Variants in KAZN observed in about 807,000 individuals in gnomAD.
KAZN encodes the protein kazrin, periplakin interacting protein.
A neutral mutation model predicts 87.4 loss-of-function variants in KAZN; 40 were observed. The observed-to-expected ratio is 0.46, with a 90% CI of 0.36 to 0.60. KAZN has a LOEUF of 0.60. KAZN is among the 20% of genes least tolerant of loss of function. KAZN has a pLI of 0.00. For missense variants in KAZN, 898 were observed against 1,073.9 expected (o/e 0.84, Z 2.29); for synonymous variants, 466 against 458.3 (o/e 1.02, Z -0.22).
At chr1:14,417,912 C>T (rs1026663214) in intron 2 of KAZN, among the ~76,000 whole-genome samples, 8 of 140,004 alleles carry the variant, frequency 5.7e-5, no homozygotes, top group African/African-American at 2.1e-4. Context: ...AGGAGAATGG[C>T]GTGAACCCGG....
chr1:14,740,743 G>A (rs1644071198), intron 1 of KAZN, among the ~76,000 whole-genome samples: 1 of 152,114 alleles, frequency 6.6e-6, no homozygotes, highest in African/African-American at 2.4e-5. Flanking sequence ...TTGATTTCTT[G>A]CTCTTTGTTC....
At chr1:14,647,196 G>A (rs1354686141) in intron 1 of KAZN, among the ~76,000 whole-genome samples, 1 of 152,032 alleles carries the variant, frequency 6.6e-6, no homozygotes, top group African/African-American at 2.4e-5. Flanking sequence ...ATACCCCGGG[G>A]CGCAGTTTTT....
intron 1 of KAZN, among the ~76,000 whole-genome samples, chr1:14,806,508 A>G (rs926826133): frequency 1.1e-4 from 17 of 152,224 alleles, no homozygotes; most frequent in East Asian, 1.9e-4. Context: ...GAGAACACCA[A>G]TGAGGGGTTG....
intron 1 of KAZN, among the ~76,000 whole-genome samples, chr1:14,051,859 C>A (rs143662948): frequency 0.02 from 2,986 of 152,168 alleles, 53 homozygotes; most frequent in Non-Finnish European, 0.031. Context: ...ACCAACCAAC[C>A]AAACAACAAC....
chr1:15,045,954 A>G (rs1459525215), intron 4 of KAZN, among the ~76,000 whole-genome samples: 1 of 152,216 alleles, frequency 6.6e-6, no homozygotes, highest in Non-Finnish European at 1.5e-5. Flanking sequence ...CCCAGAGCCA[A>G]CCATATCAGT....
In KAZN at chr1:14,959,795, G is replaced by A. The variant is rs114511353; in HGVS notation, c.227-889G>A. Among the ~76,000 whole-genome samples, 342 of 152,246 alleles carry A rather than the reference G, an allele frequency of 2.2e-3. 2 individuals are homozygous for A. Among genetic ancestry groups the A allele is most frequent in the African/African-American group, 7.7e-3 (320 of 41,530 alleles). On this transcript the variant is annotated intron_variant, in intron 1 of 14. Coordinates refer to ENST00000376030, the MANE Select transcript of KAZN (RefSeq NM_201628.3). ...CTATTGCCCAGGTGAGCTGACCTGGGCATGGGTGTGTCTATCCGCCCGCAG... is the reference window on the plus strand; with the variant it reads ...CTATTGCCCAGGTGAGCTGACCTGGACATGGGTGTGTCTATCCGCCCGCAG...
At chr1:14,967,252 G>T (rs1167140052) in intron 2 of KAZN, among the ~76,000 whole-genome samples, 3 of 152,070 alleles carry the variant, frequency 2.0e-5, no homozygotes, top group Non-Finnish European at 4.4e-5. Context: ...ATGGTGGTGT[G>T]GTTACATCTG....
At chr1:14,042,751 A>G (rs1156757593) in intron 1 of KAZN, among the ~76,000 whole-genome samples, 1 of 152,164 alleles carries the variant, frequency 6.6e-6, no homozygotes, top group Non-Finnish European at 1.5e-5. Context: ...GGGTTTCTCA[A>G]GCTACTCCTT....
At chr1:14,102,262 G>A (rs376298314) in intron 1 of KAZN, among the ~76,000 whole-genome samples, 17 of 152,118 alleles carry the variant, frequency 1.1e-4, no homozygotes, top group Admixed American at 7.2e-4. Context: ...CAGAGAAATC[G>A]CTAATCATGG....
intron 1 of KAZN, among the ~76,000 whole-genome samples, chr1:14,631,553 C>T (rs1472640635): frequency 6.6e-6 from 1 of 152,234 alleles, no homozygotes; most frequent in Non-Finnish European, 1.5e-5. Flanking sequence ...CTACCTCTCA[C>T]CCCAGGGCCT....
At chr1:14,206,077 A>G (rs948211884) in intron 2 of KAZN, among the ~76,000 whole-genome samples, 4 of 152,080 alleles carry the variant, frequency 2.6e-5, no homozygotes, top group Admixed American at 6.5e-5. Flanking sequence ...TGCATGGGCA[A>G]TGTATATTCC....
At chr1:14,241,738 A>T (rs1648953187) in intron 2 of KAZN, among the ~76,000 whole-genome samples, 2 of 152,154 alleles carry the variant, frequency 1.3e-5, no homozygotes, top group Admixed American at 6.5e-5. Flanking sequence ...TCAGGAGGAG[A>T]TATGCTGTAT....
chr1:14,656,533 C>T (rs1638803054), intron 1 of KAZN, among the ~76,000 whole-genome samples: 2 of 152,162 alleles, frequency 1.3e-5, no homozygotes, highest in Admixed American at 1.3e-4. Flanking sequence ...TCAAGAACTA[C>T]CTGAGACTGG....
At chr1:14,882,164 A>G (rs568500767) in intron 1 of KAZN, among the ~76,000 whole-genome samples, 41 of 152,294 alleles carry the variant, frequency 2.7e-4, no homozygotes, top group African/African-American at 8.2e-4. Flanking sequence ...GCCTTGCCCT[A>G]CAGTTTTTCA....
At chr1:15,065,023 C>CTTTTT (rs1639109997) in intron 7 of KAZN, among the ~76,000 whole-genome samples, 1 of 103,054 alleles carries the variant, frequency 9.7e-6, no homozygotes, top group African/African-American at 4.1e-5. Flanking sequence ...GGGTCTTTTT[C>CTTTTT]TTTCTTTTTT....
At chr1:14,741,880 G>C (rs1365292762) in intron 1 of KAZN, among the ~76,000 whole-genome samples, 3 of 152,196 alleles carry the variant, frequency 2.0e-5, no homozygotes, top group Admixed American at 2.0e-4. Flanking sequence ...CTTGATGTTT[G>C]AGCCAGAATC....
rs74373566 is a variant in KAZN, at chr1:13,989,241, T to A, written c.91+95485T>A. ...TTGCATGGGGATATTATGTTTCCAA[T>A]GTAGGCTTTTGGGGGGACACATTTA... is the stretch of plus-strand genomic sequence containing the variant. On this transcript the variant is annotated intron_variant, in intron 1 of 16. Coordinates refer to the KAZN transcript ENST00000636203. Among the ~76,000 whole-genome samples, 1,274 of 152,178 alleles carry A rather than the reference T, an allele frequency of 8.4e-3. 19 individuals are homozygous for A. The highest frequency in any genetic ancestry group is 0.029 in the African/African-American group (1,207 of 41,498).
At chr1:14,872,907 G>T (rs948722681) in intron 1 of KAZN, among the ~76,000 whole-genome samples, 4 of 148,834 alleles carry the variant, frequency 2.7e-5, no homozygotes, top group Non-Finnish European at 5.9e-5. Context: ...TGGATAAATG[G>T]ATGGTTGGGT....
chr1:14,916,699 C>T (rs556297724), intron 1 of KAZN, among the ~76,000 whole-genome samples: 18 of 152,100 alleles, frequency 1.2e-4, no homozygotes, highest in East Asian at 3.9e-4. Flanking sequence ...GACCACTTAA[C>T]GCCAGGAGTT....
Sources: gnomAD v4.1 joint callset for allele counts (sites outside exome capture counted in the v4.1 genomes callset) on GRCh38, gnomAD v4.1.1 for gene constraint, MANE v1.5 for transcripts, NCBI Gene and HGNC (gene_info 2026-07-23, HGNC 2026-07-21) for gene names.